TAOK1: variants seen among roughly 807,000 people sequenced by gnomAD.
TAOK1 encodes serine/threonine-protein kinase TAO1.
Under a neutral mutation model 138.3 loss-of-function variants are expected in TAOK1, and 21 were observed. The observed-to-expected ratio is 0.15, with a 90% CI of 0.11 to 0.22. The LOEUF is 0.22. Among genes scored for constraint, TAOK1 ranks in the 10% least tolerant of loss-of-function variants. The probability of loss-of-function intolerance (pLI) is 1.00; values close to 1 mark genes in which losing one functional copy is unlikely to be tolerated. For synonymous variants in TAOK1, 361 were observed against 398.4 expected, an observed-to-expected ratio of 0.91 and a Z score of 1.12; for missense variants, 651 against 1,227.7, an observed-to-expected ratio of 0.53 and a Z score of 7.02.
intron 1 of TAOK1, among the ~76,000 whole-genome samples, chr17:29,447,925 G>T (rs2030132170): frequency 6.7e-6 from 1 of 149,200 alleles, no homozygotes; most frequent in South Asian, 2.1e-4. Context: ...CAAAGTGCTG[G>T]GATTACAGGC....
At position 29,548,552 on chromosome 17, in the gene TAOK1, T is replaced by C. The variant is rs1567752795; in HGVS notation, c.*5530T>C. 6.6e-6 allele frequency: 1 copy of C among 152,054 alleles called. No individual in the cohort carries two copies. The highest frequency in any genetic ancestry group is 1.5e-5 in the Non-Finnish European group (1 of 67,974). 9.4% of individuals were successfully genotyped at this position (152,054 alleles called of 1,614,324 possible). On this transcript the variant is annotated 3_prime_UTR_variant, in exon 20 of 20. Transcript: ENST00000261716. ...ACTAATCTGAACATCTGTAGGTAGT[T>C]TGTCATGAAAAAGTGGAGAGAAGAT...
intron 2 of TAOK1, among the ~76,000 whole-genome samples, chr17:29,453,172 T>G (rs1003912132): frequency 1.4e-4 from 21 of 150,882 alleles, no homozygotes; most frequent in African/African-American, 4.9e-4. Context: ...TTTTTTTTTT[T>G]TTTTTGAGAT....
rs372018390 is a variant in TAOK1, at chr17:29,519,370, T to C, written c.1908+1714T>C. Among the ~76,000 whole-genome samples, 21 of 151,936 alleles carry C rather than the reference T, an allele frequency of 1.4e-4. No homozygotes were observed. In the East Asian group the frequency reaches 3.1e-3, roughly 22 times the overall value. On this transcript the variant is annotated intron_variant, in intron 16 of 19. Coordinates refer to ENST00000261716, the MANE Select transcript of TAOK1 (RefSeq NM_020791.4). ...TACTTTTAGTAGAGATACAAACAAA[T>C]GAGCCGGACGAGGTGGCGGGCGCCT...
intron 2 of TAOK1, among the ~76,000 whole-genome samples, chr17:29,453,684 C>T (rs2030302065): frequency 6.6e-6 from 1 of 152,006 alleles, no homozygotes; most frequent in African/African-American, 2.4e-5. Flanking sequence ...TCAAGCAATT[C>T]TCCTGCCTCA....
chr17:29,531,560 C>A (rs528632614), intron 18 of TAOK1, among the ~76,000 whole-genome samples: 42 of 151,820 alleles, frequency 2.8e-4, no homozygotes, highest in African/African-American at 9.9e-4. Flanking sequence ...GTCAAGAATT[C>A]GAGAGCAGCC....
intron 1 of TAOK1, among the ~76,000 whole-genome samples, chr17:29,438,232 T>G (rs553027521): frequency 6.6e-6 from 1 of 152,362 alleles, no homozygotes; most frequent in South Asian, 2.1e-4. Context: ...ATATTACTAT[T>G]TGAATATTCT....
At chr17:29,491,333 A>G (rs557885532) in intron 9 of TAOK1, among the ~76,000 whole-genome samples, 2 of 152,308 alleles carry the variant, frequency 1.3e-5, no homozygotes, top group Admixed American at 1.3e-4. Context: ...ATACTCAGGT[A>G]TAAAAACACT....
At chr17:29,540,831 A>G (rs1051698391) in intron 19 of TAOK1, among the ~76,000 whole-genome samples, 7 of 151,818 alleles carry the variant, frequency 4.6e-5, no homozygotes, top group African/African-American at 1.7e-4. Flanking sequence ...CAGCCTCCCA[A>G]AGTGCTGGGA....
chr17:29,442,378 TA>T (rs2029966527), intron 1 of TAOK1, among the ~76,000 whole-genome samples: 1 of 151,040 alleles, frequency 6.6e-6, no homozygotes, highest in Admixed American at 6.6e-5. Flanking sequence ...TTTTATGGTT[TA>T]TTTTTTTCTG....
chr17:29,412,758 G>A (rs1201131030), intron 1 of TAOK1, among the ~76,000 whole-genome samples: 4 of 152,104 alleles, frequency 2.6e-5, no homozygotes, highest in Non-Finnish European at 5.9e-5. Flanking sequence ...AGTGAACTAG[G>A]GCAACTATTT....
At position 29,419,156 on chromosome 17, in the gene TAOK1, G is replaced by A. The variant is rs140148171; in HGVS notation, c.-95+28132G>A. ...TTTTGTAATTTTCAGCATACAAATCGTGCACACATTTGTTAGATTTATCTC... is the reference window on the plus strand; with the variant it reads ...TTTTGTAATTTTCAGCATACAAATCATGCACACATTTGTTAGATTTATCTC... On this transcript the variant is annotated intron_variant, in intron 1 of 19. Coordinates refer to ENST00000261716, the MANE Select transcript of TAOK1 (RefSeq NM_020791.4). 1.9e-3 allele frequency among the ~76,000 whole-genome samples: 292 copies of A among 151,698 alleles called. 1 individual carries two copies. Among genetic ancestry groups the A allele is most frequent in the African/African-American group, 5.5e-3 (229 of 41,342 alleles).
intron 15 of TAOK1, among the ~76,000 whole-genome samples, chr17:29,515,250 T>G (rs1187343201): frequency 6.6e-6 from 1 of 152,202 alleles, no homozygotes; most frequent in African/African-American, 2.4e-5. Context: ...TTTCTTATGC[T>G]GAGTCCTTCC....
intron 18 of TAOK1, 85 bp from the exon 19 acceptor site, chr17:29,534,033 C>T: frequency 2.2e-6 from 3 of 1,355,662 alleles, no homozygotes; most frequent in Non-Finnish European, 2.9e-6. Flanking sequence ...TGTCTTCTAA[C>T]ACTCCTCCTC....
At position 29,541,743 on chromosome 17, in the gene TAOK1, T is replaced by G. The variant is rs560171158; in HGVS notation, c.2545-818T>G. Among the ~76,000 whole-genome samples, 132 of 150,010 alleles carry G rather than the reference T, an allele frequency of 8.8e-4. 1 individual carries two copies. Among genetic ancestry groups the G allele is most frequent in the Non-Finnish European group, 1.2e-4 (8 of 67,560 alleles). On this transcript the variant is annotated intron_variant, in intron 19 of 19. Transcript: ENST00000261716. ...GTGAGCTGAGATAGTGACATTCCAC[T>G]CCAGCCCAGGCGACAGTGCAAGACT...
At chr17:29,498,274 T>C (rs770876428) in intron 11 of TAOK1, 44 bp from the exon 12 acceptor site, 1 of 1,594,574 alleles carries the variant, frequency 6.3e-7, no homozygotes, top group East Asian at 2.2e-5. Flanking sequence ...AAGAGAGAGA[T>C]ATATATTAAT....
chr17:29,415,058 C>A (rs1270893644), intron 1 of TAOK1, among the ~76,000 whole-genome samples: 1 of 152,034 alleles, frequency 6.6e-6, no homozygotes, highest in Non-Finnish European at 1.5e-5. Flanking sequence ...CAACCTCCGC[C>A]TCCCAGGTTC....
At chr17:29,516,501 A>ATT (rs36052568) in intron 15 of TAOK1, among the ~76,000 whole-genome samples, 46,228 of 126,750 alleles carry the variant, frequency 0.36, 9,689 homozygotes, top group Non-Finnish European at 0.48. Flanking sequence ...CACCTGGCTA[A>ATT]TTTTTTTTTT....
Position 29,495,603 on chromosome 17 carries a change from A to T in TAOK1, c.875A>T (p.Asp292Val). 6.2e-7 allele frequency: 1 copy of T among 1,611,456 alleles called. No homozygotes were observed. Among genetic ancestry groups the T allele is most frequent in the Non-Finnish European group, 8.5e-7 (1 of 1,178,264 alleles). ...LRERPETVLI[D>V]LIQRTKDAVR... Reference sequence around the variant, plus strand: ...GAGCGCCCTGAAACCGTGTTAATAGATCTCATTCAGAGGACAAAGGATGCA... The same window carrying T: ...GAGCGCCCTGAAACCGTGTTAATAGTTCTCATTCAGAGGACAAAGGATGCA... The change falls in exon 11 of 20, where the codon GAT (aspartate) becomes GTT (valine). Residue 292 changes from aspartate to valine, a missense_variant. Physicochemically the swap from Asp to Val is radical, Grantham distance 152. Coordinates refer to ENST00000261716, the MANE Select transcript of TAOK1 (RefSeq NM_020791.4).
chr17:29,416,581 A>G (rs1567712324), intron 1 of TAOK1, among the ~76,000 whole-genome samples: 1 of 152,148 alleles, frequency 6.6e-6, no homozygotes, highest in Non-Finnish European at 1.5e-5. Flanking sequence ...AATACAACAA[A>G]TTAAATAGAA....
Sources: allele counts gnomAD v4.1 joint callset (sites outside exome capture counted in the v4.1 genomes callset), GRCh38; gene constraint gnomAD v4.1.1; transcripts MANE v1.5; gene names NCBI Gene and HGNC (gene_info 2026-07-23, HGNC 2026-07-21).